PPP1R12A: variants seen among roughly 807,000 people sequenced by gnomAD.
PPP1R12A encodes protein phosphatase 1 regulatory subunit 12A.
Under a neutral mutation model 139.6 loss-of-function variants are expected in PPP1R12A, and 19 were observed. The ratio of observed to expected loss-of-function variants is 0.14; its 90% CI spans 0.09 to 0.20. The LOEUF (loss-of-function observed/expected upper bound fraction) is 0.20, where lower values mean the gene tolerates loss of function less well. PPP1R12A is among the 10% of genes least tolerant of loss of function. The pLI, the probability that PPP1R12A is intolerant of heterozygous loss-of-function variation, is 1.00. For missense variants in PPP1R12A, 925 were observed against 1,211.5 expected (o/e 0.76, Z 3.51); for synonymous variants, 427 against 420.6 (o/e 1.02, Z -0.19).
chr12:79,905,085 T>C (rs1885980328), intron 1 of PPP1R12A, among the ~76,000 whole-genome samples: 1 of 152,184 alleles, frequency 6.6e-6, no homozygotes, highest in Non-Finnish European at 1.5e-5. Context: ...GTTATTAAAA[T>C]ACCTTTCTTC....
intron 8 of PPP1R12A, 93 bp from the exon 9 acceptor site, chr12:79,817,611 G>C: frequency 1.6e-6 from 2 of 1,272,678 alleles, no homozygotes; most frequent in Non-Finnish European, 2.1e-6. Context: ...TTTTGTTTAA[G>C]GTTTTGTTAA....
intron 1 of PPP1R12A, among the ~76,000 whole-genome samples, chr12:79,902,409 C>T (rs1240091482): frequency 2.0e-5 from 3 of 151,998 alleles, no homozygotes; most frequent in Non-Finnish European, 2.9e-5. Flanking sequence ...ATTTTTCTAG[C>T]AATTTTATGC....
intron 1 of PPP1R12A, among the ~76,000 whole-genome samples, chr12:79,929,870 G>A (rs1010062354): frequency 2.0e-5 from 3 of 151,942 alleles, no homozygotes; most frequent in Non-Finnish European, 2.9e-5. Flanking sequence ...ATTCCATTAT[G>A]TGCAAGAACA....
chr12:79,909,814 T>TGAC (rs1886417770), intron 1 of PPP1R12A, among the ~76,000 whole-genome samples: 1 of 152,040 alleles, frequency 6.6e-6, no homozygotes, highest in Non-Finnish European at 1.5e-5. Context: ...TTGTTGTTGT[T>TGAC]GACGATGTTT....
chr12:79,803,707 T>C (rs574499226), intron 14 of PPP1R12A, among the ~76,000 whole-genome samples: 7 of 152,208 alleles, frequency 4.6e-5, no homozygotes, highest in South Asian at 2.1e-4. Flanking sequence ...GCAAACATCA[T>C]TGAAACAAGG....
At chr12:79,873,086 C>T in intron 1 of PPP1R12A, 148 bp from the exon 2 acceptor site, 1 of 927,572 alleles carries the variant, frequency 1.1e-6, no homozygotes. Flanking sequence ...TATACTCCAT[C>T]AAACATGCTA....
chr12:79,824,411 T>C (rs1876511925), intron 5 of PPP1R12A, among the ~76,000 whole-genome samples: 1 of 152,202 alleles, frequency 6.6e-6, no homozygotes, highest in Admixed American at 6.5e-5. Flanking sequence ...TAAATTTTTC[T>C]AGCAGTTAAA....
chr12:79,906,907 A>C (rs757478352), intron 1 of PPP1R12A, among the ~76,000 whole-genome samples: 2 of 152,166 alleles, frequency 1.3e-5, no homozygotes, highest in Non-Finnish European at 2.9e-5. Context: ...CGGCCTCCCG[A>C]GGCAGGCAAA....
intron 2 of PPP1R12A, among the ~76,000 whole-genome samples, chr12:79,864,362 C>T (rs1030082196): frequency 2.0e-5 from 3 of 152,060 alleles, no homozygotes; most frequent in African/African-American, 7.2e-5. Context: ...AAATTTATAG[C>T]ACTAAATGCC....
chr12:79,912,610 C>T (rs1392366831), intron 1 of PPP1R12A, among the ~76,000 whole-genome samples: 2 of 151,526 alleles, frequency 1.3e-5, no homozygotes, highest in Non-Finnish European at 2.9e-5. Flanking sequence ...GGGAGGATTG[C>T]TTGAGCTCAG....
At chr12:79,877,601 C>T (rs894103574) in intron 1 of PPP1R12A, among the ~76,000 whole-genome samples, 7 of 152,164 alleles carry the variant, frequency 4.6e-5, no homozygotes, top group African/African-American at 1.4e-4. Context: ...ATGCAACCTC[C>T]GCCTCCCGGG....
chr12:79,777,539 T>C, intron 24 of PPP1R12A: 1 of 985,328 alleles, frequency 1.0e-6, no homozygotes, highest in Non-Finnish European at 1.2e-6. Context: ...CAGACTGCAG[T>C]TGCCTATAGA....
intron 19 of PPP1R12A, 40 bp from the exon 20 acceptor site, chr12:79,790,523 AT>A: frequency 7.5e-7 from 1 of 1,336,060 alleles, no homozygotes; most frequent in Non-Finnish European, 1.0e-6. Context: ...CTAAATTTTT[AT>A]GCTTTCATTA....
chr12:79,851,543 C>T (rs528821931), intron 2 of PPP1R12A, among the ~76,000 whole-genome samples: 3 of 152,248 alleles, frequency 2.0e-5, no homozygotes, highest in South Asian at 4.1e-4. Flanking sequence ...GGTATAGTTT[C>T]TAATTTCTTT....
chr12:79,779,575 T>C (rs543388148), intron 23 of PPP1R12A: 7 of 348,234 alleles, frequency 2.0e-5, no homozygotes, highest in Admixed American at 3.7e-5. Context: ...CATTATTGTA[T>C]AGACAGAAAC....
chr12:79,901,335 G>C (rs981483669), intron 1 of PPP1R12A, among the ~76,000 whole-genome samples: 3 of 152,078 alleles, frequency 2.0e-5, no homozygotes, highest in African/African-American at 7.2e-5. Flanking sequence ...AGGACATTTG[G>C]GTTGTTGACA....
chr12:79,905,926 G>T (rs753722839), intron 1 of PPP1R12A, among the ~76,000 whole-genome samples: 1 of 152,154 alleles, frequency 6.6e-6, no homozygotes, highest in Non-Finnish European at 1.5e-5. Flanking sequence ...GGTCAAACTG[G>T]TGCGAAACTT....
chr12:79,807,371 A>C, intron 11 of PPP1R12A, 41 bp from the exon 12 acceptor site: 1 of 1,277,980 alleles, frequency 7.8e-7, no homozygotes, highest in Non-Finnish European at 1.1e-6. Context: ...ACATAATTTT[A>C]AAATAGGATT....
In PPP1R12A at chr12:79,835,534, G is replaced by C. The variant is rs116805755; in HGVS notation, c.488-3043C>G. Among the ~76,000 whole-genome samples, 824 of 152,230 alleles carry C rather than the reference G, an allele frequency of 5.4e-3. 5 individuals carry two copies. The highest frequency in any genetic ancestry group is 0.019 in the African/African-American group (783 of 41,550). ...TCTTCTAAATGGCCCCTATCACTAT[G>C]CTAGTTCATAGCTTATGTCTCACAC... is the stretch of plus-strand genomic sequence containing the variant. On this transcript the variant is annotated intron_variant, in intron 3 of 24. Coordinates refer to ENST00000450142, the MANE Select transcript of PPP1R12A (RefSeq NM_002480.3).
Sources: gnomAD v4.1 joint callset for allele counts (sites outside exome capture counted in the v4.1 genomes callset) on GRCh38, gnomAD v4.1.1 for gene constraint, MANE v1.5 for transcripts, NCBI Gene and HGNC (gene_info 2026-07-23, HGNC 2026-07-21) for gene names.